Variants in GRM7 observed in about 807,000 individuals in gnomAD.
The protein encoded by GRM7 is glutamate metabotropic receptor 7.
In GRM7, 35 loss-of-function variants were observed where a neutral mutation model predicts 84.5. The ratio of observed to expected loss-of-function variants is 0.41; its 90% CI spans 0.32 to 0.55. The LOEUF is 0.55. Ranked by LOEUF, GRM7 falls within the 20% of genes least tolerant of loss-of-function variation. The pLI, the probability that GRM7 is intolerant of heterozygous loss-of-function variation, is 0.19. For synonymous variants in GRM7, 487 were observed against 455.1 expected, an observed-to-expected ratio of 1.07 and a Z score of -0.89; for missense variants, 1,003 against 1,194.6, an observed-to-expected ratio of 0.84 and a Z score of 2.36.
intron 8 of GRM7, among the ~76,000 whole-genome samples, chr3:7,582,689 G>T (rs77636055): frequency 0.013 from 1,953 of 152,188 alleles, 47 homozygotes; most frequent in African/African-American, 0.044. Context: ...TAAGTAATTT[G>T]ATTTCCACGG....
chr3:7,042,411 GT>G (rs1457577729), intron 1 of GRM7, among the ~76,000 whole-genome samples: 15 of 152,074 alleles, frequency 9.9e-5, no homozygotes, highest in African/African-American at 3.4e-4. Context: ...ATAAGCTTTG[GT>G]TTTATTCCTA....
At chr3:7,690,736 A>G (rs1203409074) in intron 9 of GRM7, among the ~76,000 whole-genome samples, 1 of 152,230 alleles carries the variant, frequency 6.6e-6, no homozygotes, top group Non-Finnish European at 1.5e-5. Flanking sequence ...GATCCTAAGG[A>G]CTTGCTTTAA....
intron 7 of GRM7, among the ~76,000 whole-genome samples, chr3:7,570,962 T>C (rs1184647176): frequency 2.0e-5 from 3 of 152,218 alleles, no homozygotes; most frequent in African/African-American, 4.8e-5. Flanking sequence ...CTCCCAAGGC[T>C]TGGGGCTTGT....
At chr3:7,228,114 A>T (rs1453068491) in intron 2 of GRM7, among the ~76,000 whole-genome samples, 6 of 152,158 alleles carry the variant, frequency 3.9e-5, no homozygotes, top group Non-Finnish European at 5.9e-5. Context: ...CTGGTGAGTG[A>T]AGTTTCCTGC....
Position 7,241,093 on chromosome 3 carries a change from A to C in GRM7, c.737-57591A>C, listed in dbSNP as rs144742923. Among the ~76,000 whole-genome samples the C allele has an allele frequency of 2.4e-3, 359 of 152,292 alleles. 2 individuals are homozygous for C. The highest frequency in any genetic ancestry group is 6.8e-3 in the Middle Eastern group (2 of 294). On this transcript the variant is annotated intron_variant, in intron 2 of 9. Transcript: ENST00000357716. ...ACATACCCCCATTGATAAGGCATGC[A>C]TTAGCTGTATATGGTTGCTGAATTA...
At chr3:7,268,554 A>G (rs1414667708) in intron 2 of GRM7, among the ~76,000 whole-genome samples, 2 of 152,214 alleles carry the variant, frequency 1.3e-5, no homozygotes, top group Non-Finnish European at 2.9e-5. Context: ...TTAAGATCTA[A>G]CTGACCTTCA....
chr3:7,738,363 T>A (rs926901881), intron 9 of GRM7, among the ~76,000 whole-genome samples: 3 of 152,104 alleles, frequency 2.0e-5, no homozygotes, highest in Non-Finnish European at 4.4e-5. Flanking sequence ...ACCCCTCCTA[T>A]GTAAAATGGA....
At chr3:7,057,995 C>T (rs1697291646) in intron 1 of GRM7, among the ~76,000 whole-genome samples, 1 of 151,836 alleles carries the variant, frequency 6.6e-6, no homozygotes, top group Admixed American at 6.6e-5. Context: ...AGTCTTTGAT[C>T]AGTTTTTTCT....
intron 7 of GRM7, among the ~76,000 whole-genome samples, chr3:7,530,654 T>G (rs1701001828): frequency 6.6e-6 from 1 of 152,216 alleles, no homozygotes; most frequent in African/African-American, 2.4e-5. Context: ...CATGAGATGA[T>G]AGCTCATTGT....
chr3:7,455,123 C>G (rs1354284791), intron 6 of GRM7, among the ~76,000 whole-genome samples: 1 of 151,922 alleles, frequency 6.6e-6, no homozygotes, highest in Non-Finnish European at 1.5e-5. Flanking sequence ...CTCTGGGACC[C>G]CAGTGGATTA....
At chr3:7,445,286 T>C (rs1363857945) in intron 5 of GRM7, among the ~76,000 whole-genome samples, 1 of 152,160 alleles carries the variant, frequency 6.6e-6, no homozygotes, top group Non-Finnish European at 1.5e-5. Context: ...CCCTTTTCCC[T>C]GTGTGGATAG....
intron 1 of GRM7, among the ~76,000 whole-genome samples, chr3:6,963,484 G>A (rs1693382836): frequency 1.3e-5 from 2 of 152,088 alleles, no homozygotes; most frequent in African/African-American, 2.4e-5. Flanking sequence ...TAATAACCTG[G>A]GCATGGCGGT....
At chr3:7,374,555 T>A (rs1694265457) in intron 4 of GRM7, among the ~76,000 whole-genome samples, 1 of 151,932 alleles carries the variant, frequency 6.6e-6, no homozygotes, top group Non-Finnish European at 1.5e-5. Context: ...CTCGGCTCAC[T>A]GCAACCTCTG....
intron 4 of GRM7, among the ~76,000 whole-genome samples, chr3:7,307,801 A>G (rs993386907): frequency 1.3e-5 from 2 of 152,180 alleles, no homozygotes; most frequent in African/African-American, 2.4e-5. Flanking sequence ...AAAACTGTGT[A>G]TCTGTTGTGT....
At chr3:7,259,813 G>A (rs922674880) in intron 2 of GRM7, among the ~76,000 whole-genome samples, 9 of 152,206 alleles carry the variant, frequency 5.9e-5, no homozygotes, top group East Asian at 1.9e-4. Flanking sequence ...ACCCAGTAAT[G>A]GGATTTCTGG....
At chr3:6,897,639 C>A (rs1015283154) in intron 1 of GRM7, among the ~76,000 whole-genome samples, 3 of 152,132 alleles carry the variant, frequency 2.0e-5, no homozygotes, top group Non-Finnish European at 4.4e-5. Context: ...CCATTATCAT[C>A]GTTCAGAATG....
chr3:7,588,674 AC>A (rs1239036930), intron 8 of GRM7, among the ~76,000 whole-genome samples: 1 of 152,202 alleles, frequency 6.6e-6, no homozygotes, highest in East Asian at 1.9e-4. Context: ...AGTTCATGCC[AC>A]TACACTAGCA....
intron 4 of GRM7, among the ~76,000 whole-genome samples, chr3:7,331,645 A>G (rs189337587): frequency 1.3e-5 from 2 of 152,160 alleles, no homozygotes; most frequent in African/African-American, 4.8e-5. Flanking sequence ...TCATTATTCC[A>G]CATATTTCCA....
intron 1 of GRM7, among the ~76,000 whole-genome samples, chr3:7,007,156 G>A (rs1256228993): frequency 6.6e-6 from 1 of 152,102 alleles, no homozygotes; most frequent in Non-Finnish European, 1.5e-5. Flanking sequence ...TCAGGATGAG[G>A]CAGGGGCCCT....
Sources: gnomAD v4.1 joint callset for allele counts (sites outside exome capture counted in the v4.1 genomes callset) on GRCh38, gnomAD v4.1.1 for gene constraint, MANE v1.5 for transcripts, NCBI Gene and HGNC (gene_info 2026-07-23, HGNC 2026-07-21) for gene names.